ADAMTS20: variants seen among roughly 807,000 people sequenced by gnomAD.
ADAMTS20 encodes A disintegrin and metalloproteinase with thrombospondin motifs 20.
Under a neutral mutation model 260.1 loss-of-function variants are expected in ADAMTS20, and 225 were observed. The ratio of observed to expected loss-of-function variants is 0.87; its 90% confidence interval spans 0.78 to 0.97. ADAMTS20 has a LOEUF of 0.97. Among genes scored for constraint, ADAMTS20 ranks in the 50% least tolerant of loss-of-function variants. The pLI, the probability that ADAMTS20 is intolerant of heterozygous loss-of-function variation, is 0.00. For missense variants in ADAMTS20, 2,400 were observed against 2,337.7 expected, an observed-to-expected ratio of 1.03 and a Z score of -0.55; for synonymous variants, 802 against 769.5, an observed-to-expected ratio of 1.04 and a Z score of -0.70.
intron 11 of ADAMTS20, among the ~76,000 whole-genome samples, chr12:43,460,988 ATTTTTTT>A (rs1161740021): frequency 3.8e-5 from 1 of 26,394 alleles, no homozygotes; most frequent in African/African-American, 1.3e-4. Flanking sequence ...ATATATATAT[ATTTTTTT>A]TTTTTTTTTT....
chr12:43,518,502 C>A (rs1943028421), intron 3 of ADAMTS20, among the ~76,000 whole-genome samples: 1 of 152,058 alleles, frequency 6.6e-6, no homozygotes, highest in South Asian at 2.1e-4. Context: ...TATTGGCATG[C>A]CCCATAGTTC....
chr12:43,530,273 G>T (rs1183726056), intron 3 of ADAMTS20, among the ~76,000 whole-genome samples: 1 of 151,860 alleles, frequency 6.6e-6, no homozygotes, highest in Non-Finnish European at 1.5e-5. Context: ...ATATTACTTT[G>T]TGGTTTTCTT....
intron 38 of ADAMTS20, among the ~76,000 whole-genome samples, chr12:43,356,040 C>A (rs1939736658): frequency 6.6e-6 from 1 of 152,096 alleles, no homozygotes; most frequent in Non-Finnish European, 1.5e-5. Context: ...GTGTCTCCAA[C>A]ACCACCCCCA....
In ADAMTS20 at chr12:43,465,164, A is replaced by AAAC. The variant is rs540019701; in HGVS notation, c.1368-435_1368-433dup. Among the ~76,000 whole-genome samples, 36 of 152,114 alleles carry AAAC rather than the reference A, an allele frequency of 2.4e-4. No individual in the cohort carries two copies. In the South Asian group the frequency reaches 4.2e-3, roughly 18 times the overall value. On this transcript the variant is annotated intron_variant, in intron 9 of 38. Transcript: ENST00000389420. The stretch of plus-strand genomic sequence containing the variant: ...CTTGAGAAAGTATATTTCTAGTCCT[A>AAAC]AACAACAACAACAACAACAAAGAAG...
intron 7 of ADAMTS20, among the ~76,000 whole-genome samples, chr12:43,485,099 A>G (rs1238832365): frequency 7.5e-6 from 1 of 133,070 alleles, no homozygotes; most frequent in Non-Finnish European, 1.6e-5. Flanking sequence ...GTAGCCAAAA[A>G]AAAAAAAAAA....
intron 28 of ADAMTS20, among the ~76,000 whole-genome samples, chr12:43,418,911 G>T (rs937551686): frequency 1.3e-5 from 2 of 152,128 alleles, no homozygotes; most frequent in Non-Finnish European, 2.9e-5. Context: ...AGCATTCAGT[G>T]ACAAACCTTG....
At chr12:43,525,809 T>A (rs762413499) in intron 3 of ADAMTS20, among the ~76,000 whole-genome samples, 1 of 151,882 alleles carries the variant, frequency 6.6e-6, no homozygotes, top group Non-Finnish European at 1.5e-5. Context: ...GATAAAAGGA[T>A]CAATCTAACA....
At chr12:43,519,419 G>A (rs1943041618) in intron 3 of ADAMTS20, among the ~76,000 whole-genome samples, 1 of 152,104 alleles carries the variant, frequency 6.6e-6, no homozygotes, top group East Asian at 1.9e-4. Context: ...TCCTGCAACA[G>A]TGAGGAAGGT....
chr12:43,433,703 AACAC>A (rs56226241), intron 19 of ADAMTS20: 103,992 of 353,498 alleles, frequency 0.29, 10,104 homozygotes, highest in Non-Finnish European at 0.35. Context: ...TGCACACACA[AACAC>A]ACACACACAC....
At chr12:43,375,817 C>G (rs76070325) in intron 35 of ADAMTS20, among the ~76,000 whole-genome samples, 4,509 of 152,314 alleles carry the variant, frequency 0.03, 116 homozygotes, top group Middle Eastern at 0.12. Flanking sequence ...CGACTTCTCA[C>G]CCACAGTATT....
rs542152100 is a variant in ADAMTS20, at chr12:43,487,047, A to G, written c.1117+3348T>C. On this transcript the variant is annotated intron_variant, in intron 7 of 38. Coordinates refer to ENST00000389420, the MANE Select transcript of ADAMTS20 (RefSeq NM_025003.5). ...TCAAAGAACTAAAAATAGATCTACCATTTGATCCAGTAATCCCACTACTGG... is the reference window on the plus strand; with the variant it reads ...TCAAAGAACTAAAAATAGATCTACCGTTTGATCCAGTAATCCCACTACTGG... Among the ~76,000 whole-genome samples the G allele has an allele frequency of 5.9e-5, 9 of 152,346 alleles. No individual in the cohort carries two copies. The South Asian group carries it at 1.0e-3, about 18-fold the overall frequency.
chr12:43,548,639 T>C (rs1385257286), intron 2 of ADAMTS20, among the ~76,000 whole-genome samples: 6 of 152,120 alleles, frequency 3.9e-5, no homozygotes, highest in African/African-American at 9.7e-5. Context: ...TTAGTGCTAA[T>C]ATAAAAAAAG....
At chr12:43,461,246 C>T (rs1003544325) in intron 11 of ADAMTS20, among the ~76,000 whole-genome samples, 8 of 151,594 alleles carry the variant, frequency 5.3e-5, no homozygotes, top group Admixed American at 3.9e-4. Context: ...CTGCCTCGGT[C>T]TCCCAAAGTG....
chr12:43,462,280 C>T (rs1156601144), intron 11 of ADAMTS20, among the ~76,000 whole-genome samples: 5 of 152,180 alleles, frequency 3.3e-5, no homozygotes, highest in Non-Finnish European at 7.3e-5. Context: ...CAACACTGGC[C>T]ACTGAGGCCA....
At chr12:43,357,604 AT>A (rs1183523124) in intron 37 of ADAMTS20, among the ~76,000 whole-genome samples, 1 of 152,186 alleles carries the variant, frequency 6.6e-6, no homozygotes, top group African/African-American at 2.4e-5. Context: ...AACAATGACA[AT>A]AAATGGAGAA....
At position 43,429,741 on chromosome 12, in the gene ADAMTS20, T is replaced by C. The variant is rs1226462125; in HGVS notation, c.3382-17A>G. 1.3e-6 allele frequency: 2 copies of C among 1,484,572 alleles called. No homozygotes were observed. The highest frequency in any genetic ancestry group is 1.8e-6 in the Non-Finnish European group (2 of 1,101,316). The allele number at this position is 1,484,572 out of a possible 1,614,324, so 92.0% of individuals were successfully genotyped here. A position where few individuals can be genotyped will look rare whatever the true frequency, so the allele number is the denominator to read the frequency against. ...TACACAGCTCTGTTCAGAAGAAAAA[T>C]GGTTCTCGTAAAACATTAATTAATG... On this transcript the variant is annotated splice_polypyrimidine_tract_variant and intron_variant, in intron 23 of 38. Transcript: ENST00000389420.
intron 7 of ADAMTS20, among the ~76,000 whole-genome samples, chr12:43,475,803 A>G (rs373714557): frequency 2.7e-5 from 4 of 150,188 alleles, no homozygotes; most frequent in Middle Eastern, 3.4e-3. Flanking sequence ...GTAGAAAGCT[A>G]AAACTGGATC....
chr12:43,493,108 C>G (rs149982179), intron 5 of ADAMTS20, 62 bp downstream of exon 5: 9 of 1,090,630 alleles, frequency 8.3e-6, no homozygotes, highest in African/African-American at 8.0e-5. Flanking sequence ...TCCATAATCT[C>G]TACGTATTGT....
intron 7 of ADAMTS20, among the ~76,000 whole-genome samples, chr12:43,480,736 C>A (rs1942428649): frequency 6.6e-6 from 1 of 152,014 alleles, no homozygotes; most frequent in South Asian, 2.1e-4. Context: ...ATCTCATTTA[C>A]ATGGAATCTA....
Sources: gnomAD v4.1 joint callset for allele counts (sites outside exome capture counted in the v4.1 genomes callset) on GRCh38, gnomAD v4.1.1 for gene constraint, MANE v1.5 for transcripts, NCBI Gene and HGNC (gene_info 2026-07-23, HGNC 2026-07-21) for gene names.